CDKL5: variants seen among roughly 807,000 people sequenced by gnomAD.
CDKL5 encodes cyclin dependent kinase like 5.
A neutral mutation model predicts 61.7 loss-of-function variants in CDKL5; 8 were observed. That is an observed-to-expected ratio of 0.13 (90% CI 0.08 to 0.23). CDKL5 has a LOEUF of 0.23. Among genes scored for constraint, CDKL5 ranks in the 10% least tolerant of loss-of-function variants. The pLI is 1.00. For synonymous variants in CDKL5, 275 were observed against 272.3 expected, an observed-to-expected ratio of 1.01 and a Z score of -0.10; for missense variants, 440 against 734.5, an observed-to-expected ratio of 0.60 and a Z score of 4.63.
intron 12 of CDKL5, among the ~76,000 whole-genome samples, chrX:18,606,504 T>C (rs762925256): frequency 8.9e-6 from 1 of 112,249 alleles, no homozygotes; most frequent in Non-Finnish European, 1.9e-5. Context: ...TGTCAACAGA[T>C]AAGTTGTTCC....
Position 18,634,213 on chromosome X carries a change from T to C in CDKL5, c.*5456T>C, listed in dbSNP as rs909738462. 2.9e-4 allele frequency: 215 copies of C among 751,647 alleles called. No homozygotes were observed. Among genetic ancestry groups the C allele is most frequent in the Non-Finnish European group, 3.2e-4 (203 of 638,437 alleles). 61.9% of individuals were successfully genotyped at this position (751,647 alleles called of 1,213,427 possible). A position where few individuals can be genotyped will look rare whatever the true frequency, so the allele number is the denominator to read the frequency against. On this transcript the variant is annotated 3_prime_UTR_variant, in exon 18 of 18. Transcript: ENST00000623535. ...GGGTATCAGGGAGAAAGAGGCCTTATCTGTTCCTCCATCCCCCCTGTTTTG... is the reference window on the plus strand; with the variant it reads ...GGGTATCAGGGAGAAAGAGGCCTTACCTGTTCCTCCATCCCCCCTGTTTTG...
intron 4 of CDKL5, among the ~76,000 whole-genome samples, chrX:18,573,099 C>G (rs1465075989): frequency 9.1e-6 from 1 of 110,482 alleles, no homozygotes; most frequent in African/African-American, 3.3e-5. Context: ...GGGAGCAAGT[C>G]TGAAGGCCAT....
intron 1 of CDKL5, among the ~76,000 whole-genome samples, chrX:18,430,626 G>A (rs1014318454): frequency 9.1e-6 from 1 of 110,211 alleles, no homozygotes; most frequent in African/African-American, 3.3e-5. Context: ...TTGTATTTTA[G>A]TAGAGACGGA....
chrX:18,431,917 T>TC (rs1217482679), intron 1 of CDKL5, among the ~76,000 whole-genome samples: 2 of 47,680 alleles, frequency 4.2e-5, no homozygotes, highest in African/African-American at 6.8e-4. Context: ...CCTAGACCTC[T>TC]CCTTTTTTTG....
intron 1 of CDKL5, among the ~76,000 whole-genome samples, chrX:18,442,716 A>G (rs1410822486): frequency 9.0e-6 from 1 of 110,710 alleles, no homozygotes; most frequent in Non-Finnish European, 1.9e-5. Flanking sequence ...GGATGATCTC[A>G]ATCTCTTGAC....
At chrX:18,646,174 CAG>C in intron 20 of CDKL5, 3 of 1,180,811 alleles carry the variant, frequency 2.5e-6, no homozygotes, top group East Asian at 3.0e-5. Context: ...CTTTCTGAGA[CAG>C]AGTCTTGCTC....
intron 11 of CDKL5, among the ~76,000 whole-genome samples, chrX:18,602,087 C>T (rs1926196719): frequency 9.0e-6 from 1 of 111,323 alleles, no homozygotes; most frequent in African/African-American, 3.3e-5. Flanking sequence ...AGACATCCCC[C>T]AGCCCCTCTC....
intron 4 of CDKL5, among the ~76,000 whole-genome samples, chrX:18,569,468 T>A (rs1464107738): frequency 1.8e-5 from 2 of 112,123 alleles, no homozygotes; most frequent in East Asian, 5.6e-4. Flanking sequence ...TCAGACTATG[T>A]ATAAATTATA....
intron 3 of CDKL5, among the ~76,000 whole-genome samples, chrX:18,555,402 C>T (rs1215704485): frequency 8.9e-6 from 1 of 111,856 alleles, no homozygotes; most frequent in African/African-American, 3.3e-5. Context: ...GTGCACAAAA[C>T]GATACAATTT....
At chrX:18,480,832 TTCTTCC>T (rs1236610692) in intron 1 of CDKL5, among the ~76,000 whole-genome samples, 13 of 104,244 alleles carry the variant, frequency 1.2e-4, no homozygotes, top group African/African-American at 4.0e-4. Context: ...TTCTTTCTTC[TTCTTCC>T]TCTTCCTCTT....
chrX:18,527,331 A>T (rs1443725852), intron 3 of CDKL5, among the ~76,000 whole-genome samples: 2 of 111,829 alleles, frequency 1.8e-5, no homozygotes, highest in Non-Finnish European at 1.9e-5. Context: ...AATTTCTTAA[A>T]TGTTTGCTAG....
At chrX:18,618,464 T>C (rs1926786393) in intron 15 of CDKL5, among the ~76,000 whole-genome samples, 1 of 111,726 alleles carries the variant, frequency 9.0e-6, no homozygotes, top group South Asian at 3.7e-4. Flanking sequence ...ACCCCACTCT[T>C]CTGCAGTGTT....
Position 18,635,458 on chromosome X carries a change from A to G in CDKL5, c.*6701A>G. ...GGTCCTTCGTGTTTGAACTGCGAAC[A>G]GCTCCATTTTAGTTCCTTCTTGGGA... On this transcript the variant is annotated 3_prime_UTR_variant, in exon 18 of 18. Transcript: ENST00000623535. 2.7e-6 allele frequency: 2 copies of G among 754,346 alleles called. No individual in the cohort carries two copies. 62.2% of individuals were successfully genotyped at this position (754,346 alleles called of 1,213,427 possible).
intron 10 of CDKL5, among the ~76,000 whole-genome samples, chrX:18,597,035 A>G (rs1043480772): frequency 9.0e-6 from 1 of 111,443 alleles, no homozygotes; most frequent in African/African-American, 3.3e-5. Flanking sequence ...TAATGTAAAC[A>G]TATTAGTGTA....
At chrX:18,529,231 A>G (rs1354114467) in intron 3 of CDKL5, among the ~76,000 whole-genome samples, 3 of 104,128 alleles carry the variant, frequency 2.9e-5, no homozygotes, top group Non-Finnish European at 5.9e-5. Flanking sequence ...GTGTACATTT[A>G]CAACTTATCT....
chrX:18,509,246 C>CACACACACACACACACACAT (rs1555940191), intron 2 of CDKL5, among the ~76,000 whole-genome samples: 1 of 97,272 alleles, frequency 1.0e-5, no homozygotes, highest in South Asian at 4.7e-4. Context: ...CACACACACA[C>CACACACACACACACACACAT]CCCTGTCAAG....
rs1294901418 is a variant in CDKL5, at chrX:18,638,333, C to A, written c.*9576C>A. ...TCTGCAAATGTTGTGTATATTTTAC[C>A]GCAATTTTTAAACAAACTCCAGTGT... is the stretch of plus-strand genomic sequence containing the variant. On this transcript the variant is annotated 3_prime_UTR_variant, in exon 18 of 18. Coordinates refer to ENST00000623535, the MANE Select transcript of CDKL5 (RefSeq NM_001323289.2). 2 of 111,816 alleles carry A rather than the reference C, an allele frequency of 1.8e-5. No homozygotes were observed. The highest frequency in any genetic ancestry group is 1.9e-4 in the Admixed American group (2 of 10,576). 9.2% of individuals were successfully genotyped at this position (111,816 alleles called of 1,213,427 possible). A position where few individuals can be genotyped will look rare whatever the true frequency, so the allele number is the denominator to read the frequency against.
At chrX:18,625,623 T>G (rs1051794541) in intron 17 of CDKL5, among the ~76,000 whole-genome samples, 2 of 111,736 alleles carry the variant, frequency 1.8e-5, no homozygotes, top group African/African-American at 6.5e-5. Context: ...GTGGGAAGAT[T>G]AAGGTTTCAT....
chrX:18,597,880 G>A (rs1367009965), intron 10 of CDKL5, among the ~76,000 whole-genome samples: 1 of 111,310 alleles, frequency 9.0e-6, no homozygotes, highest in Non-Finnish European at 1.9e-5. Flanking sequence ...ACAGGCGTGA[G>A]CCACCACACC....
Sources: allele counts gnomAD v4.1 joint callset (sites outside exome capture counted in the v4.1 genomes callset), GRCh38; gene constraint gnomAD v4.1.1; transcripts MANE v1.5; gene names NCBI Gene and HGNC (gene_info 2026-07-23, HGNC 2026-07-21).